The following SYNE2 variants were observed in gnomAD, a reference collection of about 807,000 sequenced individuals.
SYNE2 encodes the protein nesprin-2.
A neutral mutation model predicts 856.3 loss-of-function variants in SYNE2; 431 were observed. The observed-to-expected ratio is 0.50, with a 90% CI of 0.47 to 0.55. SYNE2 has a LOEUF of 0.55. SYNE2 is among the 20% of genes least tolerant of loss of function. The pLI, the probability that SYNE2 is intolerant of heterozygous loss-of-function variation, is 0.00. For missense variants in SYNE2, 8,129 were observed against 8,023.2 expected (o/e 1.01, Z -0.50); for synonymous variants, 2,923 against 2,872.3 (o/e 1.02, Z -0.56).
At position 64,186,405 on chromosome 14, in the gene SYNE2, TTCTTGTGA is replaced by T. The variant is rs748713238; in HGVS notation, c.17557-17_17557-10del. On this transcript the variant is annotated splice_polypyrimidine_tract_variant and intron_variant, in intron 96 of 115. Transcript: ENST00000555002. ...CTTGAGTTGAAGGCTTTTTACCCCCTTCTTGTGATTAAATGCAGGAACTAGAACAGTCT... is the reference window on the plus strand; with the variant it reads ...CTTGAGTTGAAGGCTTTTTACCCCCTTTAAATGCAGGAACTAGAACAGTCT... 4 of 1,613,392 alleles carry T rather than the reference TTCTTGTGA, an allele frequency of 2.5e-6. No individual in the cohort carries two copies. In the African/African-American group the frequency reaches 5.3e-5, roughly 22 times the overall value.
In SYNE2 at chr14:64,027,575, G is replaced by A; in HGVS notation, c.6496G>A (p.Glu2166Lys). The A allele has an allele frequency of 6.2e-7, 1 of 1,613,490 alleles. No homozygotes were observed. Among genetic ancestry groups the A allele is most frequent in the South Asian group, 1.1e-5 (1 of 90,950 alleles). The change falls in exon 43 of 116, where the codon GAA becomes AAA. Residue 2166 changes from glutamate to lysine, a missense_variant. By Grantham distance (56) the Glu-to-Lys change is moderately conservative. This residue lies in a region of SYNE2 where 297 missense variants were observed against 380.9 expected (regional missense o/e 0.78). Transcript: ENST00000555002. ...LMLIELKKKQEAGFALQHGLQ... is the reference protein window; with the variant it reads ...LMLIELKKKQKAGFALQHGLQ... ...GCTCATAGAACTAAAGAAGAAACAG[G>A]AAGCAGGCTTTGCTCTACAACATGG...
chr14:64,189,926 CT>C, intron 98 of SYNE2, 144 bp from the exon 99 acceptor site: 1 of 902,900 alleles, frequency 1.1e-6, no homozygotes, highest in South Asian at 1.6e-5. Context: ...GCTTCCCAAA[CT>C]GCTGGGATTA....
At chr14:64,034,925 T>G (rs1241259298) in intron 45 of SYNE2, among the ~76,000 whole-genome samples, 2 of 151,124 alleles carry the variant, frequency 1.3e-5, no homozygotes, top group African/African-American at 4.9e-5. Flanking sequence ...ATACATTTTC[T>G]AATTTATTAT....
chr14:63,834,438 A>T (rs963064790), intron 1 of SYNE2, among the ~76,000 whole-genome samples: 1 of 152,090 alleles, frequency 6.6e-6, no homozygotes, highest in Non-Finnish European at 1.5e-5. Context: ...CTTCAGACTG[A>T]TTTAGTAATG....
chr14:63,843,574 G>C (rs1366984546), intron 1 of SYNE2, among the ~76,000 whole-genome samples: 1 of 151,942 alleles, frequency 6.6e-6, no homozygotes, highest in Non-Finnish European at 1.5e-5. Context: ...TCCTGACTTT[G>C]GTAAGAATGC....
At chr14:64,127,404 C>A (rs1264837138) in intron 73 of SYNE2, among the ~76,000 whole-genome samples, 2 of 150,482 alleles carry the variant, frequency 1.3e-5, no homozygotes, top group Non-Finnish European at 1.5e-5. Flanking sequence ...GATCCCATCT[C>A]AAAAAAAGAA....
intron 1 of SYNE2, among the ~76,000 whole-genome samples, chr14:63,767,826 A>G (rs1886742864): frequency 6.6e-6 from 1 of 152,166 alleles, no homozygotes; most frequent in Admixed American, 6.6e-5. Context: ...ATAAAAACTC[A>G]TCTCAGAAAT....
intron 32 of SYNE2, among the ~76,000 whole-genome samples, chr14:64,013,188 T>C (rs1486334887): frequency 6.6e-6 from 1 of 152,184 alleles, no homozygotes; most frequent in East Asian, 1.9e-4. Flanking sequence ...TGGAAGCTTG[T>C]GCTAGTTTAA....
chr14:64,150,007 CTTTTT>C (rs755126549), intron 84 of SYNE2, among the ~76,000 whole-genome samples: 4 of 94,410 alleles, frequency 4.2e-5, no homozygotes, highest in Non-Finnish European at 6.0e-5. Context: ...TTTTTCTTTT[CTTTTT>C]TTTTTTTTTT....
intron 1 of SYNE2, among the ~76,000 whole-genome samples, chr14:63,837,021 T>C (rs1889879255): frequency 6.6e-6 from 1 of 152,232 alleles, no homozygotes; most frequent in Non-Finnish European, 1.5e-5. Context: ...TGGGGAGCTT[T>C]TAATTTGTGT....
Position 64,031,004 on chromosome 14 carries a change from C to T in SYNE2, c.6880-12C>T. The T allele has an allele frequency of 6.3e-7, 1 of 1,598,834 alleles. No homozygotes were observed. Among genetic ancestry groups the T allele is most frequent in the East Asian group, 2.2e-5 (1 of 44,792 alleles). ...TTGAATGGAGATATAACAATCTTTT[C>T]TCCACTCGTAGGAACTAGAGAATAG... On this transcript the variant is annotated splice_polypyrimidine_tract_variant and intron_variant, in intron 44 of 115. Coordinates refer to ENST00000555002, the MANE Select transcript of SYNE2 (RefSeq NM_182914.3).
rs760288753 is a variant in SYNE2 at position 64,126,817 on chromosome 14, C to T, written c.13917+10C>T. On this transcript the variant is annotated intron_variant, in intron 73 of 115. Transcript: ENST00000555002. ...CAACCGCAGTTACCAGGTATGATTC[C>T]GAGCACACAGCCTATTTTGGCACTG... 1.6e-5 allele frequency: 26 copies of T among 1,608,388 alleles called. No homozygotes were observed. The highest frequency in any genetic ancestry group is 5.3e-5 in the African/African-American group (4 of 75,040).
intron 55 of SYNE2, among the ~76,000 whole-genome samples, chr14:64,080,073 G>C (rs955714866): frequency 6.6e-6 from 1 of 151,676 alleles, no homozygotes; most frequent in East Asian, 1.9e-4. Flanking sequence ...GTGCGCGTGC[G>C]TGTGTGTGTA....
chr14:63,790,889 T>C (rs1448602657), intron 1 of SYNE2, among the ~76,000 whole-genome samples: 2 of 152,086 alleles, frequency 1.3e-5, no homozygotes, highest in Admixed American at 6.5e-5. Context: ...GAGAAAATCA[T>C]GTATAGAAAC....
At chr14:63,932,760 A>G (rs2095779370) in intron 2 of SYNE2, among the ~76,000 whole-genome samples, 1 of 152,170 alleles carries the variant, frequency 6.6e-6, no homozygotes, top group South Asian at 2.1e-4. Flanking sequence ...AATTATAATA[A>G]ATGATGATAG....
chr14:63,801,140 G>A (rs181564408), intron 1 of SYNE2, among the ~76,000 whole-genome samples: 8 of 152,130 alleles, frequency 5.3e-5, no homozygotes, highest in African/African-American at 1.9e-4. Context: ...ATAACAGATG[G>A]GAGCACAGTG....
intron 1 of SYNE2, among the ~76,000 whole-genome samples, chr14:63,882,737 AAC>A (rs976352392): frequency 1.3e-5 from 2 of 152,254 alleles, no homozygotes; most frequent in African/African-American, 2.4e-5. Flanking sequence ...AAAACAAAAA[AAC>A]AGTTACTTGT....
intron 7 of SYNE2, among the ~76,000 whole-genome samples, chr14:63,950,548 T>A (rs1194090635): frequency 6.6e-6 from 1 of 151,918 alleles, no homozygotes; most frequent in Non-Finnish European, 1.5e-5. Flanking sequence ...AGAGCGAAAC[T>A]CTTGTCACAC....
At chr14:64,005,002 C>G (rs914789496) in intron 30 of SYNE2, among the ~76,000 whole-genome samples, 108 of 152,268 alleles carry the variant, frequency 7.1e-4, no homozygotes, top group African/African-American at 2.5e-3. Context: ...CAAGAGCAAG[C>G]CACTTGAACC....
Sources: allele counts gnomAD v4.1 joint callset (sites outside exome capture counted in the v4.1 genomes callset), GRCh38; gene constraint gnomAD v4.1.1; regional missense constraint gnomAD v4.1.1; transcripts MANE v1.5; gene names NCBI Gene and HGNC (gene_info 2026-07-23, HGNC 2026-07-21).